Variants in KALRN observed in about 807,000 individuals in gnomAD.
KALRN encodes the protein kalirin RhoGEF kinase.
In KALRN, 70 loss-of-function variants were observed where a neutral mutation model predicts 353.7. That is an observed-to-expected ratio of 0.20 (90% CI 0.16 to 0.24). KALRN has a LOEUF of 0.24. Ranked by LOEUF, KALRN falls within the 10% of genes least tolerant of loss-of-function variation. The probability of loss-of-function intolerance (pLI) is 1.00; values close to 1 mark genes in which losing one functional copy is unlikely to be tolerated. For synonymous variants in KALRN, 1,391 were observed against 1,434.8 expected (o/e 0.97, Z 0.69); for missense variants, 2,791 against 3,756.7 (o/e 0.74, Z 6.72).
chr3:124,278,458 G>GGT (rs55855993), intron 5 of KALRN, among the ~76,000 whole-genome samples: 41,646 of 145,278 alleles, frequency 0.29, 6,759 homozygotes, highest in Non-Finnish European at 0.39. Flanking sequence ...GGACACTTCA[G>GGT]GTGTGTGTGT....
At chr3:124,278,126 T>A (rs545272544) in intron 5 of KALRN, among the ~76,000 whole-genome samples, 1 of 151,882 alleles carries the variant, frequency 6.6e-6, no homozygotes, top group Non-Finnish European at 1.5e-5. Flanking sequence ...TATGTGTCTC[T>A]ACTCTTACCC....
At chr3:124,187,120 GC>G (rs2074328189) in intron 1 of KALRN, among the ~76,000 whole-genome samples, 1 of 151,942 alleles carries the variant, frequency 6.6e-6, no homozygotes, top group African/African-American at 2.4e-5. Flanking sequence ...TCACTCTGTC[GC>G]CCAGGCTGGA....
intron 1 of KALRN, among the ~76,000 whole-genome samples, chr3:124,175,021 C>T (rs1253795025): frequency 2.6e-5 from 4 of 152,210 alleles, no homozygotes. Flanking sequence ...ACCAGTGTCC[C>T]ATATCCCTGG....
chr3:124,114,360 T>C (rs1397668973), intron 1 of KALRN, among the ~76,000 whole-genome samples: 2 of 152,186 alleles, frequency 1.3e-5, no homozygotes. Flanking sequence ...ATCTGAGCCC[T>C]GAGGAGAGGA....
chr3:124,062,828 G>C (rs2042080583), intron 1 of KALRN, among the ~76,000 whole-genome samples: 1 of 152,208 alleles, frequency 6.6e-6, no homozygotes, highest in African/African-American at 2.4e-5. Context: ...CTAGGCTGTG[G>C]TACTGAAGTA....
chr3:124,403,723 C>A (rs114249439), intron 13 of KALRN, among the ~76,000 whole-genome samples: 1 of 152,152 alleles, frequency 6.6e-6, no homozygotes. Context: ...AGAGACCATT[C>A]GGTCAGCCTT....
chr3:124,342,417 T>C (rs957872685), intron 9 of KALRN, among the ~76,000 whole-genome samples: 1 of 152,198 alleles, frequency 6.6e-6, no homozygotes, highest in African/African-American at 2.4e-5. Flanking sequence ...GATATTTGTC[T>C]TTCTGTACTT....
chr3:124,627,060 G>A (rs1447504583), intron 34 of KALRN, among the ~76,000 whole-genome samples: 1 of 152,214 alleles, frequency 6.6e-6, no homozygotes, highest in Non-Finnish European at 1.5e-5. Flanking sequence ...AGTAAAATAA[G>A]TTCTCTAGCA....
intron 5 of KALRN, among the ~76,000 whole-genome samples, chr3:124,294,143 G>T (rs944413010): frequency 1.1e-4 from 16 of 151,944 alleles, no homozygotes; most frequent in Admixed American, 1.3e-4. Context: ...AGTACCATCT[G>T]GGGTAAGAGA....
chr3:124,693,348 A>G (rs576278873), intron 51 of KALRN, among the ~76,000 whole-genome samples: 6 of 152,326 alleles, frequency 3.9e-5, no homozygotes, highest in Admixed American at 2.6e-4. Flanking sequence ...CCACTGTATT[A>G]GTGAATTTCA....
At chr3:124,344,069 CCTGA>C (rs1280398846) in intron 9 of KALRN, among the ~76,000 whole-genome samples, 2 of 152,138 alleles carry the variant, frequency 1.3e-5, no homozygotes, top group African/African-American at 2.4e-5. Context: ...TGCTGTATAT[CCTGA>C]CTATGATTGG....
At chr3:124,339,572 C>G (rs2081475383) in intron 9 of KALRN, among the ~76,000 whole-genome samples, 1 of 152,186 alleles carries the variant, frequency 6.6e-6, no homozygotes. Flanking sequence ...AGCCTAGGAG[C>G]TGCTCCCCTT....
Position 124,697,675 on chromosome 3 carries a change from C to G in KALRN, c.7782C>G (p.Ser2594Arg). The change falls in exon 55 of 60, where the codon AGC becomes AGG. Residue 2594 changes from serine to arginine, a missense_variant. By Grantham distance (110) the Ser-to-Arg change is moderately radical. Coordinates refer to ENST00000682506, the MANE Select transcript of KALRN (RefSeq NM_001388419.1). ...TTCTCCGCTGGCTGCCCCCCTCCAG[C>G]ACAGGAAACTGCACTATTTCTGGTT... ...SVILRWLPPS[S>R]TGNCTISGYT... 6.2e-7 allele frequency: 1 copy of G among 1,603,630 alleles called. No individual in the cohort carries two copies. The highest frequency in any genetic ancestry group is 8.5e-7 in the Non-Finnish European group (1 of 1,174,700).
chr3:124,650,900 A>G lies in KALRN; in HGVS notation c.5757A>G (p.Pro1919=), dbSNP rs56278649. Residue 1919 remains proline (P), a synonymous_variant, in exon 38 of 60, where the codon CCA becomes CCG. Coordinates refer to ENST00000682506, the MANE Select transcript of KALRN (RefSeq NM_001388419.1). ...GMAPPTPPKN[P]EEEQKAKALR... ...CCCCACCCACACCTCCTAAAAACCC[A>G]GAAGAAGAACAGAAAGCCAAGGCCC... is the stretch of plus-strand genomic sequence containing the variant. 1.7e-3 allele frequency: 2,797 copies of G among 1,614,202 alleles called. 6 individuals carry two copies. Among genetic ancestry groups the G allele is most frequent in the Non-Finnish European group, 2.3e-3 (2,658 of 1,180,014 alleles).
chr3:124,662,706 A>G (rs1186876510), intron 45 of KALRN, among the ~76,000 whole-genome samples: 1 of 152,202 alleles, frequency 6.6e-6, no homozygotes, highest in Non-Finnish European at 1.5e-5. Flanking sequence ...GGTTTAAGTG[A>G]ACATACAAGT....
chr3:124,223,207 G>A (rs1192173296), intron 1 of KALRN, among the ~76,000 whole-genome samples: 2 of 151,856 alleles, frequency 1.3e-5, no homozygotes, highest in African/African-American at 2.4e-5. Context: ...ACTGAAGCCC[G>A]ACATATGGCC....
intron 1 of KALRN, among the ~76,000 whole-genome samples, chr3:124,222,553 C>T (rs1470207985): frequency 6.6e-6 from 1 of 152,174 alleles, no homozygotes; most frequent in Non-Finnish European, 1.5e-5. Context: ...CTTTAGTACA[C>T]AACTTCCCAA....
At chr3:124,171,613 C>A (rs989893473) in intron 1 of KALRN, among the ~76,000 whole-genome samples, 1 of 152,072 alleles carries the variant, frequency 6.6e-6, no homozygotes, top group African/African-American at 2.4e-5. Context: ...TAGACCCTAC[C>A]TCTTGGTGGG....
chr3:124,270,810 TA>T (rs1255153019), intron 5 of KALRN, among the ~76,000 whole-genome samples: 3 of 143,700 alleles, frequency 2.1e-5, no homozygotes, highest in African/African-American at 7.7e-5. Flanking sequence ...TTTCTTTGTT[TA>T]TTTTTTTGTT....
Sources: allele counts gnomAD v4.1 joint callset (sites outside exome capture counted in the v4.1 genomes callset), GRCh38; gene constraint gnomAD v4.1.1; transcripts MANE v1.5; gene names NCBI Gene and HGNC (gene_info 2026-07-23, HGNC 2026-07-21).